NRXN3: variants seen among roughly 807,000 people sequenced by gnomAD.
The protein encoded by NRXN3 is neurexin 3.
A neutral mutation model predicts 137.6 loss-of-function variants in NRXN3; 32 were observed. The observed-to-expected ratio is 0.23, with a 90% CI of 0.18 to 0.31. The LOEUF (loss-of-function observed/expected upper bound fraction) is 0.31, where lower values mean the gene tolerates loss of function less well. Ranked by LOEUF, NRXN3 falls within the 10% of genes least tolerant of loss-of-function variation. The pLI is 1.00. For synonymous variants in NRXN3, 798 were observed against 784.5 expected (o/e 1.02, Z -0.29); for missense variants, 1,574 against 2,062.5 (o/e 0.76, Z 4.59).
At chr14:79,096,657 A>G (rs563730639) in intron 15 of NRXN3, among the ~76,000 whole-genome samples, 1 of 151,826 alleles carries the variant, frequency 6.6e-6, no homozygotes, top group East Asian at 1.9e-4. Context: ...CTTGGCTCTC[A>G]CCAGCATTCT....
rs2085949925 is a variant in NRXN3 at position 78,366,432 on chromosome 14, ATC to A, written c.757+68574_757+68575del. Among the ~76,000 whole-genome samples the A allele has an allele frequency of 2.0e-5, 3 of 152,340 alleles. No homozygotes were observed. In the South Asian group the frequency reaches 6.2e-4, roughly 32 times the overall value. The stretch of plus-strand genomic sequence containing the variant: ...AAATTTGTGTTTAAAATTAGTGCCC[ATC>A]TGCTGAAAATATTAGAACTTATAGA... On this transcript the variant is annotated intron_variant, in intron 4 of 20. Coordinates refer to ENST00000335750, the MANE Select transcript of NRXN3 (RefSeq NM_001330195.2).
chr14:79,168,013 A>C lies in NRXN3; in HGVS notation c.3262+179872A>C, dbSNP rs533363836. ...GGAGAAACCAGCCCATAACTTATCT[A>C]TCTGAGCTGAAACAGAATCAATGAC... On this transcript the variant is annotated intron_variant, in intron 15 of 20. Transcript: ENST00000335750. Among the ~76,000 whole-genome samples the C allele has an allele frequency of 2.0e-5, 3 of 148,854 alleles. No homozygotes were observed. In the East Asian group the frequency reaches 6.0e-4, roughly 30 times the overall value.
At chr14:78,883,267 A>G (rs1292481594) in intron 10 of NRXN3, among the ~76,000 whole-genome samples, 1 of 152,234 alleles carries the variant, frequency 6.6e-6, no homozygotes, top group Non-Finnish European at 1.5e-5. Flanking sequence ...GTGTTTACAG[A>G]CATCTTCTTT....
At chr14:78,350,885 A>ATAATACAAACCC (rs1225484256) in intron 4 of NRXN3, among the ~76,000 whole-genome samples, 1 of 152,188 alleles carries the variant, frequency 6.6e-6, no homozygotes, top group African/African-American at 2.4e-5. Flanking sequence ...AATCTGGAGA[A>ATAATACAAACCC]TAATACAAAC....
intron 4 of NRXN3, among the ~76,000 whole-genome samples, chr14:78,364,680 G>A (rs181154203): frequency 6.6e-6 from 1 of 152,194 alleles, no homozygotes; most frequent in Non-Finnish European, 1.5e-5. Flanking sequence ...TCACGTTTTA[G>A]TTGTGCCTAG....
chr14:79,564,614 T>G (rs2097530722), intron 16 of NRXN3, among the ~76,000 whole-genome samples: 1 of 152,174 alleles, frequency 6.6e-6, no homozygotes. Context: ...ATTCTTGGAA[T>G]ACATTCTTGG....
intron 2 of NRXN3, among the ~76,000 whole-genome samples, chr14:78,255,070 C>T (rs1476247952): frequency 6.6e-6 from 1 of 151,420 alleles, no homozygotes; most frequent in Non-Finnish European, 1.5e-5. Flanking sequence ...AGACTGGAAG[C>T]CTGCCAAGCA....
intron 11 of NRXN3, among the ~76,000 whole-genome samples, chr14:78,965,778 C>T (rs1170907649): frequency 7.9e-5 from 12 of 152,256 alleles, no homozygotes; most frequent in African/African-American, 2.6e-4. Context: ...CTGGGTTACT[C>T]ATGACCTCAT....
intron 15 of NRXN3, among the ~76,000 whole-genome samples, chr14:79,076,615 A>G (rs186213741): frequency 2.2e-4 from 34 of 152,254 alleles, no homozygotes; most frequent in Admixed American, 3.9e-4. Context: ...GTTGTTTTCA[A>G]TCTAATCTTG....
At chr14:79,446,824 T>A (rs17758297) in intron 15 of NRXN3, among the ~76,000 whole-genome samples, 38,140 of 152,140 alleles carry the variant, frequency 0.25, 5,516 homozygotes, top group Admixed American at 0.36. Flanking sequence ...TAGAAGATTT[T>A]AAAAAATTAT....
chr14:79,140,415 C>T (rs1052424859), intron 15 of NRXN3, among the ~76,000 whole-genome samples: 7 of 152,058 alleles, frequency 4.6e-5, no homozygotes, highest in African/African-American at 1.2e-4. Context: ...AAGCTGTTTA[C>T]CTCTGTACCC....
At chr14:79,535,602 C>T (rs1303035200) in intron 16 of NRXN3, among the ~76,000 whole-genome samples, 2 of 151,936 alleles carry the variant, frequency 1.3e-5, no homozygotes, top group Admixed American at 6.6e-5. Context: ...ATATTAATAC[C>T]TGTTATACAT....
intron 15 of NRXN3, among the ~76,000 whole-genome samples, chr14:79,211,599 T>C (rs1476148356): frequency 6.6e-6 from 1 of 152,156 alleles, no homozygotes; most frequent in Non-Finnish European, 1.5e-5. Context: ...TCATAAGGGA[T>C]GGAGTTCAGA....
intron 4 of NRXN3, among the ~76,000 whole-genome samples, chr14:78,319,337 A>G (rs1432711287): frequency 3.9e-5 from 6 of 152,214 alleles, no homozygotes; most frequent in Admixed American, 3.9e-4. Context: ...GTCATGGCAT[A>G]TATGACAAGT....
At chr14:78,878,146 G>C (rs154304) in intron 10 of NRXN3, among the ~76,000 whole-genome samples, 5,053 of 152,184 alleles carry the variant, frequency 0.033, 273 homozygotes, top group African/African-American at 0.11. Flanking sequence ...GCTACTGGGT[G>C]AAATTTGCTT....
intron 10 of NRXN3, among the ~76,000 whole-genome samples, chr14:78,931,928 C>T (rs1597539625): frequency 1.3e-5 from 2 of 152,080 alleles, no homozygotes; most frequent in South Asian, 4.1e-4. Flanking sequence ...AGGTGGATCA[C>T]CTGAGATCAG....
At chr14:79,675,035 G>T (rs1330139762) in intron 17 of NRXN3, among the ~76,000 whole-genome samples, 1 of 151,942 alleles carries the variant, frequency 6.6e-6, no homozygotes, top group Non-Finnish European at 1.5e-5. Flanking sequence ...TCCTGGAAAG[G>T]GGTCCTATTA....
intron 10 of NRXN3, among the ~76,000 whole-genome samples, chr14:78,899,657 A>G (rs1042223958): frequency 6.6e-6 from 1 of 152,020 alleles, no homozygotes; most frequent in Non-Finnish European, 1.5e-5. Context: ...GTTCACATTC[A>G]TGAGAAAAAG....
chr14:78,221,169 C>A (rs1471952660), intron 1 of NRXN3, among the ~76,000 whole-genome samples: 2 of 152,022 alleles, frequency 1.3e-5, no homozygotes, highest in Non-Finnish European at 2.9e-5. Flanking sequence ...GACTATGCAG[C>A]CTCTTCTAGG....
Sources: allele counts gnomAD v4.1 joint callset (sites outside exome capture counted in the v4.1 genomes callset), GRCh38; gene constraint gnomAD v4.1.1; transcripts MANE v1.5; gene names NCBI Gene and HGNC (gene_info 2026-07-23, HGNC 2026-07-21).